ARHGAP44: variants seen among roughly 807,000 people sequenced by gnomAD.
ARHGAP44 encodes Rho GTPase activating protein 44, also known as rho GTPase-activating protein 44.
A neutral mutation model predicts 106.8 loss-of-function variants in ARHGAP44; 43 were observed. That is an observed-to-expected ratio of 0.40 (90% CI 0.32 to 0.52). ARHGAP44 has a LOEUF of 0.52. Ranked by LOEUF, ARHGAP44 falls within the 20% of genes least tolerant of loss-of-function variation. ARHGAP44 has a pLI of 0.48. For synonymous variants in ARHGAP44, 439 were observed against 410.3 expected, an observed-to-expected ratio of 1.07 and a Z score of -0.85; for missense variants, 866 against 1,050.5, an observed-to-expected ratio of 0.82 and a Z score of 2.43.
In ARHGAP44 at chr17:12,943,688, T is replaced by A; in HGVS notation, c.733+19T>A. 6.2e-7 allele frequency: 1 copy of A among 1,612,500 alleles called. No individual in the cohort carries two copies. The highest frequency in any genetic ancestry group is 2.2e-5 in the East Asian group (1 of 44,850). ...CAACAGGGTAAGTGCAGGCCTTCCCTGGAGAAGGGAGGGCCGGGGTGCCTG... is the reference window on the plus strand; with the variant it reads ...CAACAGGGTAAGTGCAGGCCTTCCCAGGAGAAGGGAGGGCCGGGGTGCCTG... On this transcript the variant is annotated intron_variant, in intron 9 of 20. Transcript: ENST00000379672.
intron 1 of ARHGAP44, among the ~76,000 whole-genome samples, chr17:12,890,330 A>G (rs1449566809): frequency 2.6e-5 from 4 of 152,122 alleles, no homozygotes; most frequent in Non-Finnish European, 5.9e-5. Flanking sequence ...CCAAAAATGT[A>G]TACCTCCACA....
intron 1 of ARHGAP44, among the ~76,000 whole-genome samples, chr17:12,814,071 G>A (rs1415126922): frequency 1.3e-5 from 2 of 151,770 alleles, no homozygotes; most frequent in African/African-American, 4.8e-5. Flanking sequence ...CTACAGCGGT[G>A]TTTATCAGGC....
In ARHGAP44 at chr17:12,984,465, A is replaced by AG. The variant is rs2039907796; in HGVS notation, c.1940-64dup. ...TTTGAACGCTGAAGGGTGTGTGAAC[A>AG]GGCCCCACAAGTGGCTTCATTCAAC... On this transcript the variant is annotated intron_variant, in intron 19 of 20. Coordinates refer to ENST00000379672, the MANE Select transcript of ARHGAP44 (RefSeq NM_014859.6). 2.9e-5 allele frequency: 43 copies of AG among 1,487,064 alleles called. No homozygotes were observed. In the South Asian group the frequency reaches 5.2e-4, roughly 18 times the overall value. The allele number at this position is 1,487,064 out of a possible 1,614,324, so 92.1% of individuals were successfully genotyped here.
At chr17:12,927,604 A>G (rs559966873) in intron 6 of ARHGAP44, among the ~76,000 whole-genome samples, 2 of 152,326 alleles carry the variant, frequency 1.3e-5, no homozygotes, top group East Asian at 1.9e-4. Context: ...GAGAGTTCAC[A>G]TAACAATTTC....
At chr17:12,936,788 A>G (rs2038561539) in intron 7 of ARHGAP44, among the ~76,000 whole-genome samples, 1 of 152,216 alleles carries the variant, frequency 6.6e-6, no homozygotes, top group African/African-American at 2.4e-5. Flanking sequence ...CAAAGTGACT[A>G]TACTCTGTAT....
At chr17:12,873,949 A>G (rs1383067687) in intron 1 of ARHGAP44, among the ~76,000 whole-genome samples, 1 of 137,396 alleles carries the variant, frequency 7.3e-6, no homozygotes, top group East Asian at 1.9e-4. Flanking sequence ...AAATAAATAA[A>G]TAAAAGAAAG....
chr17:12,930,542 G>A (rs537452786), intron 7 of ARHGAP44, among the ~76,000 whole-genome samples: 100 of 152,064 alleles, frequency 6.6e-4, no homozygotes, highest in African/African-American at 2.4e-3. Flanking sequence ...CTGGCCTACC[G>A]TCTATTTTTT....
intron 3 of ARHGAP44, among the ~76,000 whole-genome samples, chr17:12,904,448 G>C (rs1273417025): frequency 6.6e-6 from 1 of 152,118 alleles, no homozygotes; most frequent in East Asian, 1.9e-4. Context: ...AAAAACTCAT[G>C]TTGATTTTCA....
chr17:12,883,632 C>T (rs2036801284), intron 1 of ARHGAP44, among the ~76,000 whole-genome samples: 2 of 152,040 alleles, frequency 1.3e-5, no homozygotes, highest in Non-Finnish European at 2.9e-5. Flanking sequence ...GAAGTGTTTA[C>T]AAGATCCCAG....
intron 1 of ARHGAP44, among the ~76,000 whole-genome samples, chr17:12,840,942 G>A (rs1016743713): frequency 2.6e-5 from 4 of 152,012 alleles, no homozygotes; most frequent in Non-Finnish European, 5.9e-5. Flanking sequence ...CTTAGGGGTC[G>A]GTTCCCCATC....
intron 1 of ARHGAP44, among the ~76,000 whole-genome samples, chr17:12,888,719 ATTTC>A (rs1555551648): frequency 6.6e-6 from 1 of 151,876 alleles, no homozygotes; most frequent in Non-Finnish European, 1.5e-5. Flanking sequence ...GTATTTGTCT[ATTTC>A]TTCTTTTCAT....
At chr17:12,913,902 G>C (rs1451053483) in intron 4 of ARHGAP44, among the ~76,000 whole-genome samples, 2 of 141,282 alleles carry the variant, frequency 1.4e-5, no homozygotes, top group Admixed American at 1.6e-4. Context: ...CCGGGAGGTG[G>C]AGTTTGTGGT....
intron 1 of ARHGAP44, among the ~76,000 whole-genome samples, chr17:12,805,653 G>A (rs1597866080): frequency 6.6e-6 from 1 of 152,192 alleles, no homozygotes; most frequent in Admixed American, 6.5e-5. Flanking sequence ...GCAGCTTATT[G>A]AGTACAGATG....
At chr17:12,862,083 G>A (rs937911780) in intron 1 of ARHGAP44, among the ~76,000 whole-genome samples, 10 of 152,152 alleles carry the variant, frequency 6.6e-5, no homozygotes, top group Admixed American at 3.9e-4. Flanking sequence ...GAATTAGGAT[G>A]TGGACTTTTG....
At chr17:12,803,941 CTT>C (rs2034195996) in intron 1 of ARHGAP44, among the ~76,000 whole-genome samples, 1 of 152,146 alleles carries the variant, frequency 6.6e-6, no homozygotes, top group Admixed American at 6.5e-5. Context: ...ATTTGTATCT[CTT>C]GGATTGCTTT....
At chr17:12,886,903 T>G (rs1436964726) in intron 1 of ARHGAP44, among the ~76,000 whole-genome samples, 1 of 151,980 alleles carries the variant, frequency 6.6e-6, no homozygotes, top group Non-Finnish European at 1.5e-5. Flanking sequence ...AAGTATAGAT[T>G]TTTTCATATA....
intron 1 of ARHGAP44, among the ~76,000 whole-genome samples, chr17:12,834,219 G>A (rs1270156017): frequency 3.9e-5 from 6 of 152,008 alleles, no homozygotes; most frequent in East Asian, 1.9e-4. Flanking sequence ...CCTCTCCACC[G>A]TCCACTCTTC....
chr17:12,931,619 C>A (rs969613477), intron 7 of ARHGAP44, among the ~76,000 whole-genome samples: 1 of 152,004 alleles, frequency 6.6e-6, no homozygotes, highest in Non-Finnish European at 1.5e-5. Flanking sequence ...GCCTCAGCCT[C>A]CCAAGTAGCT....
intron 15 of ARHGAP44, among the ~76,000 whole-genome samples, chr17:12,957,090 C>T (rs1402750877): frequency 6.6e-6 from 1 of 152,278 alleles, no homozygotes; most frequent in South Asian, 2.1e-4. Context: ...CACTGAGTAG[C>T]TGGGATTACA....
Sources: allele counts gnomAD v4.1 joint callset (sites outside exome capture counted in the v4.1 genomes callset), GRCh38; gene constraint gnomAD v4.1.1; transcripts MANE v1.5; gene names NCBI Gene and HGNC (gene_info 2026-07-23, HGNC 2026-07-21).